The following TDRD3 variants were observed in gnomAD, a reference collection of about 807,000 sequenced individuals.
TDRD3 encodes the protein tudor domain containing 3, also known as tudor domain-containing protein 3.
In TDRD3, 45 loss-of-function variants were observed where a neutral mutation model predicts 86.7. That is an observed-to-expected ratio of 0.52 (90% confidence interval 0.41 to 0.67). The LOEUF (loss-of-function observed/expected upper bound fraction) is 0.67. TDRD3 is among the 30% of genes least tolerant of loss of function. TDRD3 has a pLI of 0.00. For synonymous variants in TDRD3, 298 were observed against 301.7 expected (o/e 0.99, Z 0.13); for missense variants, 814 against 889.0 (o/e 0.92, Z 1.07).
At position 60,439,742 on chromosome 13, in the gene TDRD3, T is replaced by C. The variant is rs1955210644; in HGVS notation, c.96T>C (p.Asn32=). The C allele has an allele frequency of 6.5e-7, 1 of 1,544,512 alleles. No individual in the cohort carries two copies. Among genetic ancestry groups the C allele is most frequent in the Non-Finnish European group, 8.7e-7 (1 of 1,144,818 alleles). ...EACTSSPDKV[N]VNDIILIALN... ...GCACAAGCTCTCCAGACAAAGTCAA[T>C]GTAAATGACATCATCCTGATTGCTC... Residue 32 remains asparagine, a synonymous_variant, in exon 2 of 14, where the codon AAT becomes AAC. Coordinates refer to ENST00000377881, the MANE Select transcript of TDRD3 (RefSeq NM_001146070.2).
chr13:60,548,957 G>A (rs537754884), intron 12 of TDRD3, among the ~76,000 whole-genome samples: 2 of 152,256 alleles, frequency 1.3e-5, no homozygotes, highest in Non-Finnish European at 1.5e-5. Flanking sequence ...TATCATGGTA[G>A]TGAAAAACCA....
At chr13:60,459,149 A>AT (rs1367313144) in intron 3 of TDRD3, among the ~76,000 whole-genome samples, 1 of 152,196 alleles carries the variant, frequency 6.6e-6, no homozygotes, top group Non-Finnish European at 1.5e-5. Flanking sequence ...TGGAGTAGAA[A>AT]TTTTTCAACT....
At chr13:60,432,744 G>GGATATTTTTTAAA (rs1350402161) in intron 1 of TDRD3, among the ~76,000 whole-genome samples, 1 of 152,136 alleles carries the variant, frequency 6.6e-6, no homozygotes, top group Non-Finnish European at 1.5e-5. Context: ...TTTAATAGAA[G>GGATATTTTTTAAA]TTATTTTTTA....
intron 1 of TDRD3, among the ~76,000 whole-genome samples, chr13:60,430,753 A>G (rs1954935731): frequency 6.6e-6 from 1 of 152,054 alleles, no homozygotes; most frequent in South Asian, 2.1e-4. Flanking sequence ...AATACCAAAT[A>G]AGCATTCTAG....
chr13:60,527,160 A>G (rs1417088829), intron 10 of TDRD3, among the ~76,000 whole-genome samples: 1 of 152,150 alleles, frequency 6.6e-6, no homozygotes, highest in Non-Finnish European at 1.5e-5. Flanking sequence ...TTGATCTTTA[A>G]TCAGTGACCT....
At chr13:60,538,090 T>C (rs1176230703) in intron 12 of TDRD3, 1 of 151,966 alleles carries the variant, frequency 6.6e-6, no homozygotes, top group Non-Finnish European at 1.5e-5. Flanking sequence ...ATACTTTAAA[T>C]CTAAGTGTTA....
At chr13:60,404,935 A>T (rs1032700777) in intron 1 of TDRD3, among the ~76,000 whole-genome samples, 1 of 152,176 alleles carries the variant, frequency 6.6e-6, no homozygotes, top group African/African-American at 2.4e-5. Flanking sequence ...AATGGGTCTC[A>T]CAAGATCTGA....
chr13:60,514,634 T>G (rs908835959), intron 10 of TDRD3, among the ~76,000 whole-genome samples: 17 of 152,110 alleles, frequency 1.1e-4, no homozygotes, highest in Middle Eastern at 3.2e-3. Context: ...TATACAGGCA[T>G]GGAGGCATCA....
chr13:60,568,101 C>G (rs1244782963), intron 13 of TDRD3, among the ~76,000 whole-genome samples: 1 of 152,024 alleles, frequency 6.6e-6, no homozygotes, highest in African/African-American at 2.4e-5. Context: ...CAGCACTGTC[C>G]TAGAATGTGA....
intron 13 of TDRD3, among the ~76,000 whole-genome samples, chr13:60,570,800 T>C (rs1958569779): frequency 6.8e-6 from 1 of 147,054 alleles, no homozygotes; most frequent in Non-Finnish European, 1.5e-5. Flanking sequence ...CTTAGTCCCC[T>C]TGACCCCTTC....
chr13:60,557,206 C>CAAAA (rs138618410), intron 12 of TDRD3, among the ~76,000 whole-genome samples: 5 of 117,692 alleles, frequency 4.2e-5, no homozygotes, highest in African/African-American at 7.0e-5. Context: ...AACTCTGTCT[C>CAAAA]AAAAAAAAAA....
chr13:60,439,876 T>A, intron 2 of TDRD3, 104 bp downstream of exon 2: 1 of 665,402 alleles, frequency 1.5e-6, no homozygotes, highest in Middle Eastern at 4.3e-4. Flanking sequence ...ATAGAGAACA[T>A]CTTTCTTATT....
intron 12 of TDRD3, among the ~76,000 whole-genome samples, chr13:60,556,698 A>G (rs1314337809): frequency 1.3e-5 from 2 of 152,150 alleles, no homozygotes; most frequent in African/African-American, 4.8e-5. Context: ...TATTCCAAGT[A>G]AGCCATACTT....
At chr13:60,510,802 C>CT (rs370448567) in intron 10 of TDRD3, 47 bp downstream of exon 10, 72,619 of 1,176,106 alleles carry the variant, frequency 0.062, 18 homozygotes, top group South Asian at 0.07. Flanking sequence ...TCTTTTCTTT[C>CT]TTTTTTTTTT....
At chr13:60,540,243 T>A (rs1029354109) in intron 12 of TDRD3, among the ~76,000 whole-genome samples, 2 of 152,102 alleles carry the variant, frequency 1.3e-5, no homozygotes, top group African/African-American at 4.8e-5. Flanking sequence ...CAACAGTAAA[T>A]CAGAAGGAAA....
chr13:60,554,908 G>A (rs558807619), intron 12 of TDRD3, among the ~76,000 whole-genome samples: 2 of 151,950 alleles, frequency 1.3e-5, no homozygotes, highest in East Asian at 1.9e-4. Flanking sequence ...ACTAAAATAC[G>A]GTTTATGAAT....
rs541545225 is a variant in TDRD3 at position 60,456,693 on chromosome 13, A to G, written c.193-3687A>G. ...TCTTGTCTATTTTTGTGGATGTTTT[A>G]GATGACTTTTTTTGAGACACCTTTT... On this transcript the variant is annotated intron_variant, in intron 3 of 13. Transcript: ENST00000377881. Among the ~76,000 whole-genome samples the G allele has an allele frequency of 4.6e-5, 7 of 152,244 alleles. No individual in the cohort carries two copies. The South Asian group carries it at 1.5e-3, about 32-fold the overall frequency.
chr13:60,449,255 A>G (rs1427359279), intron 3 of TDRD3, among the ~76,000 whole-genome samples: 2 of 152,174 alleles, frequency 1.3e-5, no homozygotes, highest in Non-Finnish European at 2.9e-5. Context: ...GTTAAGTAAT[A>G]CAATTTGTTT....
rs538905299 is a variant in TDRD3, at chr13:60,499,198, A to G, written c.858+4623A>G. On this transcript the variant is annotated intron_variant, in intron 8 of 13. Coordinates refer to ENST00000377881, the MANE Select transcript of TDRD3 (RefSeq NM_001146070.2). The stretch of plus-strand genomic sequence containing the variant: ...CAAGGACCTGAAAGACACAGGGGTG[A>G]TGATTCCCACCACATCCCCATTCAA... Among the ~76,000 whole-genome samples, 10 of 152,374 alleles carry G rather than the reference A, an allele frequency of 6.6e-5. No individual in the cohort carries two copies. The South Asian group carries it at 2.1e-3, about 32-fold the overall frequency.
Sources: allele counts gnomAD v4.1 joint callset (sites outside exome capture counted in the v4.1 genomes callset), GRCh38; gene constraint gnomAD v4.1.1; transcripts MANE v1.5; gene names NCBI Gene and HGNC (gene_info 2026-07-23, HGNC 2026-07-21).